IP6K3: variants seen among roughly 807,000 people sequenced by gnomAD.
IP6K3 encodes inositol hexakisphosphate kinase 3, also known as ATP:1D-myo-inositol-hexakisphosphate phosphotransferase.
In IP6K3, 20 loss-of-function variants were observed where a neutral mutation model predicts 28.8. The observed-to-expected ratio is 0.70, with a 90% CI of 0.49 to 1.01. The LOEUF is 1.01. Ranked by LOEUF, IP6K3 falls within the 50% of genes least tolerant of loss-of-function variation. IP6K3 has a pLI of 0.00. For missense variants in IP6K3, 480 were observed against 537.1 expected, an observed-to-expected ratio of 0.89 and a Z score of 1.05; for synonymous variants, 213 against 221.3, an observed-to-expected ratio of 0.96 and a Z score of 0.33.
At chr6:33,728,722 G>C (rs1766214221) in intron 2 of IP6K3, among the ~76,000 whole-genome samples, 2 of 152,208 alleles carry the variant, frequency 1.3e-5, no homozygotes, top group Non-Finnish European at 2.9e-5. Context: ...CCACCTCAGA[G>C]TGCCAGTGAG....
chr6:33,740,732 CT>C (rs1766691003), intron 1 of IP6K3, among the ~76,000 whole-genome samples: 1 of 152,224 alleles, frequency 6.6e-6, no homozygotes, highest in South Asian at 2.1e-4. Flanking sequence ...TCCGGAGAGT[CT>C]TTGTATCTTA....
rs371676904 is a variant in IP6K3, at chr6:33,726,957, C to T, written c.414-51G>A. 3,126 of 1,496,204 alleles carry T rather than the reference C, an allele frequency of 2.1e-3. 21 individuals carry two copies. Among genetic ancestry groups the T allele is most frequent in the Middle Eastern group, 0.015 (63 of 4,224 alleles). The allele number at this position is 1,496,204 out of a possible 1,614,324, so 92.7% of individuals were successfully genotyped here. ...GTCAGAGCAGAGGTCTGGGGAAGGG[C>T]GCCGCTGCCTGTGGCTGACTGGGCT... On this transcript the variant is annotated intron_variant, in intron 3 of 5. Transcript: ENST00000293756.
At chr6:33,738,223 G>A (rs574532954) in intron 1 of IP6K3, among the ~76,000 whole-genome samples, 5 of 152,122 alleles carry the variant, frequency 3.3e-5, no homozygotes, top group Non-Finnish European at 7.4e-5. Context: ...AGCCACTCTT[G>A]GAAGGGGCAA....
the IP6K3 span, among the ~76,000 whole-genome samples, chr6:33,758,836 G>A: frequency 6.6e-6 from 1 of 152,114 alleles, no homozygotes; most frequent in African/African-American, 2.4e-5. Flanking sequence ...TGACCTCAAG[G>A]GATCCACCTG....
At position 33,722,684 on chromosome 6, in the gene IP6K3, T is replaced by C. The variant is rs374126506; in HGVS notation, c.*36A>G. Reference sequence around the variant, plus strand: ...AACCAACAGGTCTCTATTTGAGATCTATAGCCCAGAAGAATCCAGATAAGC... The same window carrying C: ...AACCAACAGGTCTCTATTTGAGATCCATAGCCCAGAAGAATCCAGATAAGC... On this transcript the variant is annotated 3_prime_UTR_variant, in exon 6 of 6. Transcript: ENST00000293756. The C allele has an allele frequency of 1.1e-4, 155 of 1,441,868 alleles. No homozygotes were observed. Among genetic ancestry groups the C allele is most frequent in the Middle Eastern group, 1.8e-4 (1 of 5,582 alleles). The allele number at this position is 1,441,868 out of a possible 1,614,324, so 89.3% of individuals were successfully genotyped here.
chr6:33,759,012 CTG>C, the IP6K3 span, among the ~76,000 whole-genome samples: 2 of 152,226 alleles, frequency 1.3e-5, no homozygotes, highest in African/African-American at 4.8e-5. Context: ...TTAATAAAAA[CTG>C]TAGTGTAAGT....
Position 33,746,692 on chromosome 6 carries a change from TC to T in IP6K3, c.-180+65del, listed in dbSNP as rs1345796239. The T allele has an allele frequency of 1.3e-5, 2 of 152,080 alleles. No individual in the cohort carries two copies. Among genetic ancestry groups the T allele is most frequent in the Non-Finnish European group, 2.9e-5 (2 of 68,104 alleles). The allele number at this position is 152,080 out of a possible 1,614,324, so 9.4% of individuals were successfully genotyped here. On this transcript the variant is annotated intron_variant, in intron 1 of 5. Coordinates refer to ENST00000293756, the MANE Select transcript of IP6K3 (RefSeq NM_054111.5). The surrounding 1 kb of genome is among the most constrained non-coding windows in gnomAD (Gnocchi z 6.5). ...GGCCCTGTGAACACGAGACCCTCTC[TC>T]CCCTCAGTCAGGCCCCGTCAAAGAG...
In IP6K3 at chr6:33,722,960, A is replaced by G; in HGVS notation, c.993T>C (p.Asp331=). 1.9e-5 allele frequency: 30 copies of G among 1,614,060 alleles called. No homozygotes were observed. The highest frequency in any genetic ancestry group is 2.5e-5 in the Non-Finnish European group (29 of 1,180,018). ...FYSSSLLVIY[D]GQEPPERAPG... ...GGGCTCTTTCTGGTGGTTCCTGCCC[A>G]TCATAGATGACAAGGAGAGAGCTGG... is the stretch of plus-strand genomic sequence containing the variant. Residue 331 remains aspartate (D), a synonymous_variant, in exon 6 of 6, where the codon GAT becomes GAC. Transcript: ENST00000293756.
In IP6K3 at chr6:33,746,276, C is replaced by G. The variant is rs1191202258; in HGVS notation, c.-180+482G>C. On this transcript the variant is annotated intron_variant, in intron 1 of 5. Transcript: ENST00000293756. The surrounding 1 kb of genome is among the most constrained non-coding windows in gnomAD (Gnocchi z 6.5). The stretch of plus-strand genomic sequence containing the variant: ...TCCAGCCTGGTGCCGGCCTCCTGCC[C>G]CCTCCCGTGGAAAGCTGGGGCTGCT... 6.6e-6 allele frequency among the ~76,000 whole-genome samples: 1 copy of G among 152,160 alleles called. No homozygotes were observed. Among genetic ancestry groups the G allele is most frequent in the Non-Finnish European group, 1.5e-5 (1 of 68,024 alleles).
chr6:33,731,836 C>T (rs536829482), intron 2 of IP6K3, among the ~76,000 whole-genome samples: 16 of 152,148 alleles, frequency 1.1e-4, no homozygotes, highest in East Asian at 1.9e-4. Flanking sequence ...TGGAGGCCCA[C>T]GGGTTCCCAG....
In IP6K3 at chr6:33,732,832, C is replaced by T. The variant is rs575330848; in HGVS notation, c.199+2446G>A. ...CTTTGCTTAGCAGCAGCCTACACCA[C>T]CCGAGAGCCCTTTCAGGGACTCTTC... On this transcript the variant is annotated intron_variant, in intron 2 of 5. Coordinates refer to ENST00000293756, the MANE Select transcript of IP6K3 (RefSeq NM_054111.5). Among the ~76,000 whole-genome samples, 27 of 151,614 alleles carry T rather than the reference C, an allele frequency of 1.8e-4. No individual in the cohort carries two copies. In the East Asian group the frequency reaches 5.0e-3, roughly 28 times the overall value.
chr6:33,754,026 G>A, the IP6K3 span, among the ~76,000 whole-genome samples: 193 of 152,120 alleles, frequency 1.3e-3, no homozygotes, highest in African/African-American at 4.4e-3. Context: ...AGCCAGGATG[G>A]TCTTGATCTC....
At position 33,722,754 on chromosome 6, in the gene IP6K3, A is replaced by G; in HGVS notation, c.1199T>C (p.Ile400Thr). 1 of 1,613,168 alleles carries G rather than the reference A, an allele frequency of 6.2e-7. No homozygotes were observed. Among genetic ancestry groups the G allele is most frequent in the Non-Finnish European group, 8.5e-7 (1 of 1,179,524 alleles). The change falls in exon 6 of 6, where the codon ATC (isoleucine) becomes ACC (threonine). Residue 400 changes from isoleucine to threonine, a missense_variant. Ile to Thr is a moderately conservative substitution (Grantham distance 89, BLOSUM62 -1). Coordinates refer to ENST00000293756, the MANE Select transcript of IP6K3 (RefSeq NM_054111.5). Reference sequence around the variant, plus strand: ...CTCTTGGATATCCTGCAGGATCCTGATGAGGTTTTCCAGGCCAAAAATATA... The same window carrying G: ...CTCTTGGATATCCTGCAGGATCCTGGTGAGGTTTTCCAGGCCAAAAATATA... Reference protein sequence around the residue: ...PGYIFGLENLIRILQDIQEGE With the variant: ...PGYIFGLENLTRILQDIQEGE
intron 1 of IP6K3, among the ~76,000 whole-genome samples, chr6:33,743,924 C>T (rs941321852): frequency 4.6e-5 from 7 of 151,142 alleles, no homozygotes; most frequent in Admixed American, 6.6e-5. Context: ...GGACCAAATA[C>T]GATTTTAATA....
chr6:33,748,352 G>T (rs533374805), upstream of IP6K3, among the ~76,000 whole-genome samples: 13 of 152,160 alleles, frequency 8.5e-5, no homozygotes, highest in South Asian at 2.7e-3. Flanking sequence ...GTAAGATGGG[G>T]CAGGTGGACT....
chr6:33,738,401 T>A (rs1316185397), intron 1 of IP6K3, among the ~76,000 whole-genome samples: 1 of 152,178 alleles, frequency 6.6e-6, no homozygotes, highest in Non-Finnish European at 1.5e-5. Flanking sequence ...CAGCTCACAT[T>A]CCCAAAGAGC....
chr6:33,734,057 G>A lies in IP6K3; in HGVS notation c.199+1221C>T, dbSNP rs1268076231. ...GTCTCTACTAAAAATACAAAAATTG[G>A]CCGAGCATGGTGGCAGGCGCCTGTA... On this transcript the variant is annotated intron_variant, in intron 2 of 5. Coordinates refer to ENST00000293756, the MANE Select transcript of IP6K3 (RefSeq NM_054111.5). Among the ~76,000 whole-genome samples, 7 of 152,070 alleles carry A rather than the reference G, an allele frequency of 4.6e-5. No homozygotes were observed. In the East Asian group the frequency reaches 1.3e-3, roughly 29 times the overall value.
the IP6K3 span, among the ~76,000 whole-genome samples, chr6:33,754,204 A>G: frequency 6.6e-6 from 1 of 151,870 alleles, no homozygotes; most frequent in Non-Finnish European, 1.5e-5. Context: ...GCCGGGGGAG[A>G]GCCAGGTGAG....
In IP6K3 at chr6:33,735,919, G is replaced by T. The variant is rs183308016; in HGVS notation, c.-179-264C>A. On this transcript the variant is annotated intron_variant, in intron 1 of 5. Transcript: ENST00000293756. ...GTCTTGCTCTGTCGCCCAGGCTGGAGTGCAGTGGCATGATCTTGGCTCACT... is the reference window on the plus strand; with the variant it reads ...GTCTTGCTCTGTCGCCCAGGCTGGATTGCAGTGGCATGATCTTGGCTCACT... Among the ~76,000 whole-genome samples, 42 of 152,348 alleles carry T rather than the reference G, an allele frequency of 2.8e-4. 1 individual carries two copies. Among genetic ancestry groups the T allele is most frequent in the Admixed American group, 7.2e-4 (11 of 15,308 alleles).
Sources: allele counts gnomAD v4.1 joint callset (sites outside exome capture counted in the v4.1 genomes callset), GRCh38; gene constraint gnomAD v4.1.1; non-coding constraint Gnocchi (gnomAD v3.1); transcripts MANE v1.5; gene names NCBI Gene and HGNC (gene_info 2026-07-23, HGNC 2026-07-21).